GPC6: variants seen among roughly 807,000 people sequenced by gnomAD.
GPC6 encodes the protein glypican-6.
A neutral mutation model predicts 55.2 loss-of-function variants in GPC6; 14 were observed. That is an observed-to-expected ratio of 0.25 (90% confidence interval 0.17 to 0.40). The LOEUF is 0.40. Ranked by LOEUF, GPC6 falls within the 10% of genes least tolerant of loss-of-function variation. The pLI, the probability that GPC6 is intolerant of heterozygous loss-of-function variation, is 1.00. For synonymous variants in GPC6, 278 were observed against 259.6 expected, an observed-to-expected ratio of 1.07 and a Z score of -0.68; for missense variants, 641 against 708.5, an observed-to-expected ratio of 0.90 and a Z score of 1.08.
At chr13:94,255,398 A>G (rs1036047983) in intron 4 of GPC6, among the ~76,000 whole-genome samples, 2 of 152,166 alleles carry the variant, frequency 1.3e-5, no homozygotes, top group African/African-American at 4.8e-5. Flanking sequence ...TGGAAATGAC[A>G]TACAGTATAC....
intron 2 of GPC6, among the ~76,000 whole-genome samples, chr13:93,587,197 T>C (rs1289524850): frequency 2.0e-5 from 3 of 151,894 alleles, no homozygotes; most frequent in African/African-American, 7.2e-5. Context: ...ATATTACTTA[T>C]TATATAATAT....
intron 3 of GPC6, among the ~76,000 whole-genome samples, chr13:93,979,039 C>T (rs963653176): frequency 6.6e-6 from 1 of 151,800 alleles, no homozygotes; most frequent in African/African-American, 2.4e-5. Context: ...TAGGAAGTGC[C>T]CAAAACATAC....
At chr13:93,640,407 G>GAA (rs1411657253) in intron 2 of GPC6, among the ~76,000 whole-genome samples, 8 of 151,862 alleles carry the variant, frequency 5.3e-5, no homozygotes, top group Admixed American at 5.3e-4. Flanking sequence ...GTTTTATATA[G>GAA]AAAAAAATAT....
At chr13:93,546,298 A>G (rs1405319214) in intron 2 of GPC6, among the ~76,000 whole-genome samples, 1 of 152,222 alleles carries the variant, frequency 6.6e-6, no homozygotes, top group Non-Finnish European at 1.5e-5. Context: ...AGTTCAGTCA[A>G]TGCACAGCAG....
At position 93,227,532 on chromosome 13, in the gene GPC6, A is replaced by C. The variant is rs1875836229; in HGVS notation, c.76A>C (p.Lys26Gln). 6.2e-7 allele frequency: 1 copy of C among 1,613,522 alleles called. No individual in the cohort carries two copies. The highest frequency in any genetic ancestry group is 2.2e-5 in the East Asian group (1 of 44,790). The change falls in exon 1 of 9, where the codon AAG becomes CAG. Residue 26 changes from lysine to glutamine, a missense_variant. Physicochemically the swap from Lys to Gln is moderately conservative, Grantham distance 53. Coordinates refer to ENST00000377047, the MANE Select transcript of GPC6 (RefSeq NM_005708.5). The surrounding 1 kb of genome is among the most constrained non-coding windows in gnomAD (Gnocchi z 4.3). ...LLSLPAGADV[K>Q]ARSCGEVRQA... ...CTCCCTCCCCGCCGGGGCGGATGTG[A>C]AGGCTCGGAGCTGCGGAGAGGTCCG...
At position 93,817,319 on chromosome 13, in the gene GPC6, G is replaced by A. The variant is rs563603917; in HGVS notation, c.320-12835G>A. Among the ~76,000 whole-genome samples the A allele has an allele frequency of 1.4e-4, 21 of 152,154 alleles. No homozygotes were observed. In the South Asian group the frequency reaches 1.5e-3, roughly 11 times the overall value. ...ATATTCTTTAAAAATAATTATAAAC[G>A]TAACAGTATTTTGCAGTGTAGATTT... is the stretch of plus-strand genomic sequence containing the variant. On this transcript the variant is annotated intron_variant, in intron 2 of 8. Transcript: ENST00000377047.
At chr13:94,007,730 T>C (rs1882078677) in intron 3 of GPC6, among the ~76,000 whole-genome samples, 1 of 152,184 alleles carries the variant, frequency 6.6e-6, no homozygotes, top group Non-Finnish European at 1.5e-5. Context: ...TTTGAGAAGC[T>C]GGACTTCTAG....
At chr13:93,505,599 AT>A in intron 1 of GPC6, among the ~76,000 whole-genome samples, 1 of 152,184 alleles carries the variant, frequency 6.6e-6, no homozygotes, top group Admixed American at 6.5e-5. Context: ...GCTTAGGGAC[AT>A]TAGACAGCAG....
intron 1 of GPC6, among the ~76,000 whole-genome samples, chr13:93,333,076 C>T (rs1487609381): frequency 1.3e-5 from 2 of 152,050 alleles, no homozygotes; most frequent in African/African-American, 4.8e-5. Context: ...GTTTTTATGC[C>T]AGTGCCATCA....
At chr13:94,070,699 G>A (rs1303569689) in intron 4 of GPC6, among the ~76,000 whole-genome samples, 1 of 152,156 alleles carries the variant, frequency 6.6e-6, no homozygotes, top group Non-Finnish European at 1.5e-5. Context: ...ATCAACACAA[G>A]GAATAGTTTT....
intron 2 of GPC6, among the ~76,000 whole-genome samples, chr13:93,725,128 A>C (rs1041841649): frequency 1.3e-5 from 2 of 152,072 alleles, no homozygotes; most frequent in Admixed American, 6.6e-5. Flanking sequence ...TTTAAGTTAT[A>C]AAATTACCTT....
At chr13:93,238,922 G>T (rs192846721) in intron 1 of GPC6, among the ~76,000 whole-genome samples, 537 of 152,156 alleles carry the variant, frequency 3.5e-3, no homozygotes, top group Non-Finnish European at 5.9e-3. Context: ...AACCATCCTT[G>T]CATTCCTGAA....
At chr13:93,752,179 G>A (rs982982411) in intron 2 of GPC6, among the ~76,000 whole-genome samples, 2 of 152,024 alleles carry the variant, frequency 1.3e-5, no homozygotes, top group African/African-American at 4.8e-5. Context: ...ATCTATTTTA[G>A]GTCACAAGAC....
chr13:93,734,473 G>A (rs545692684), intron 2 of GPC6, among the ~76,000 whole-genome samples: 42 of 152,100 alleles, frequency 2.8e-4, no homozygotes, highest in Non-Finnish European at 6.0e-4. Flanking sequence ...TACTTTTGAG[G>A]GACTGGAAAA....
intron 1 of GPC6, among the ~76,000 whole-genome samples, chr13:93,365,185 T>C (rs991821527): frequency 2.6e-5 from 4 of 152,216 alleles, no homozygotes; most frequent in Non-Finnish European, 5.9e-5. Context: ...GTTTATCCAT[T>C]CAAAGAGGGA....
intron 6 of GPC6, among the ~76,000 whole-genome samples, chr13:94,325,497 A>G (rs1434149568): frequency 2.0e-5 from 3 of 152,234 alleles, no homozygotes; most frequent in East Asian, 3.9e-4. Flanking sequence ...TCCTCATTTT[A>G]TAAGCGCTTC....
At chr13:93,621,623 G>GC (rs1170969843) in intron 2 of GPC6, among the ~76,000 whole-genome samples, 59 of 152,060 alleles carry the variant, frequency 3.9e-4, no homozygotes, top group Non-Finnish European at 7.4e-4. Context: ...ATATAAGCAT[G>GC]TTCAAAAATA....
chr13:93,954,226 G>T (rs1035354918), intron 3 of GPC6, among the ~76,000 whole-genome samples: 3 of 152,174 alleles, frequency 2.0e-5, no homozygotes, highest in African/African-American at 7.2e-5. Context: ...AACTTGCTAT[G>T]TATGGTTATA....
At chr13:94,212,170 A>G (rs531878739) in intron 4 of GPC6, among the ~76,000 whole-genome samples, 2 of 152,350 alleles carry the variant, frequency 1.3e-5, no homozygotes, top group South Asian at 4.1e-4. Flanking sequence ...TTAGTCCCAT[A>G]CTGAGATGTA....
Sources: gnomAD v4.1 joint callset for allele counts (sites outside exome capture counted in the v4.1 genomes callset) on GRCh38, gnomAD v4.1.1 for gene constraint, Gnocchi (gnomAD v3.1) non-coding constraint, MANE v1.5 for transcripts, NCBI Gene and HGNC (gene_info 2026-07-23, HGNC 2026-07-21) for gene names.